The following GAA variants were observed in gnomAD, a reference collection of about 807,000 sequenced individuals.
GAA encodes alpha glucosidase.
GAA carries 88 observed loss-of-function variants against 103.9 expected under a neutral mutation model. The observed-to-expected ratio is 0.85, with a 90% CI of 0.71 to 1.01. The LOEUF (loss-of-function observed/expected upper bound fraction) is 1.01, where lower values mean the gene tolerates loss of function less well. Ranked by LOEUF, GAA falls within the 50% of genes least tolerant of loss-of-function variation. The pLI is 0.00. For synonymous variants in GAA, 572 were observed against 563.1 expected (o/e 1.02, Z -0.22); for missense variants, 1,350 against 1,305.3 (o/e 1.03, Z -0.53).
In GAA at chr17:80,109,941, C is replaced by T. The variant is rs1344983432; in HGVS notation, c.1327-4C>T. ...CTCACCTTGACAGGTTTCCCTCTTC[C>T]CAGGATCCTGCCATCAGCAGCTCGG... On this transcript the variant is annotated splice_polypyrimidine_tract_variant and splice_region_variant and intron_variant, in intron 8 of 19. Transcript: ENST00000302262. 3 of 1,612,418 alleles carry T rather than the reference C, an allele frequency of 1.9e-6. No individual in the cohort carries two copies. Among genetic ancestry groups the T allele is most frequent in the Non-Finnish European group, 2.5e-6 (3 of 1,179,104 alleles).
chr17:80,105,603 C>A (rs552404004), intron 2 of GAA, 146 bp from the exon 3 acceptor site: 4 of 955,490 alleles, frequency 4.2e-6, no homozygotes, highest in Non-Finnish European at 6.5e-6. Flanking sequence ...ATGAGGGAGC[C>A]GAGGCTCAGA....
At chr17:80,116,711 C>T in intron 15 of GAA, 1 of 546,216 alleles carries the variant, frequency 1.8e-6, no homozygotes, top group South Asian at 2.0e-5. Context: ...CATCCTGGTG[C>T]CTCAAGCACA....
chr17:80,103,374 C>T (rs1026925252), intron 1 of GAA, among the ~76,000 whole-genome samples: 2 of 152,162 alleles, frequency 1.3e-5, no homozygotes, highest in African/African-American at 2.4e-5. Flanking sequence ...ACACCTTCTT[C>T]CTCCTTTCCC....
At chr17:80,114,630 AT>A (rs1440928110) in intron 15 of GAA, among the ~76,000 whole-genome samples, 1 of 150,496 alleles carries the variant, frequency 6.6e-6, no homozygotes, top group African/African-American at 2.5e-5. Context: ...GCCTTATTCA[AT>A]TATCTTTTAA....
intron 18 of GAA, 110 bp downstream of exon 18, chr17:80,118,467 C>T (rs1225607953): frequency 2.1e-6 from 3 of 1,463,078 alleles, no homozygotes; most frequent in East Asian, 2.3e-5. Context: ...CACTAGGACA[C>T]TCTAGCAGGT....
rs765362308 is a variant in GAA, at chr17:80,112,056, C to T, written c.1710C>T (p.Asn570=). Residue 570 remains asparagine, a synonymous_variant, in exon 12 of 20, where the codon AAC becomes AAT. Coordinates refer to ENST00000302262, the MANE Select transcript of GAA (RefSeq NM_000152.5). ...SSHQFLSTHY[N]LHNLYGLTEA... ...ACCAGTTTCTCTCCACACACTACAA[C>T]CTGCACAACCTCTACGGCCTGACCG... 27 of 1,614,114 alleles carry T rather than the reference C, an allele frequency of 1.7e-5. No homozygotes were observed. The South Asian group carries it at 3.0e-4, about 18-fold the overall frequency.
In GAA at chr17:80,119,130, C is replaced by A. The variant is rs1363319854; in HGVS notation, c.2800-142C>A. On this transcript the variant is annotated intron_variant, in intron 19 of 19. Coordinates refer to ENST00000302262, the MANE Select transcript of GAA (RefSeq NM_000152.5). ...GGGAGGAACCGGGTGCGAAGCATCC[C>A]AGGGCCAGACGGAGCTGCCCCCTGA... is the stretch of plus-strand genomic sequence containing the variant. 7.6e-6 allele frequency: 7 copies of A among 926,120 alleles called. No homozygotes were observed. The African/African-American group carries it at 9.7e-5, about 13-fold the overall frequency. 57.4% of individuals were successfully genotyped at this position (926,120 alleles called of 1,614,324 possible).
chr17:80,112,300 C>T, intron 12 of GAA, 200 bp downstream of exon 12: 4 of 657,950 alleles, frequency 6.1e-6, no homozygotes, highest in Non-Finnish European at 1.1e-5. Context: ...ATGCCTGGGG[C>T]TTGGAGAGGA....
At position 80,108,771 on chromosome 17, in the gene GAA, CT is replaced by C; in HGVS notation, c.1271del (p.Phe424SerfsTer16). ...FTFNKDGFRD[F>X]PAMVQELHQG... Reference sequence around the variant, plus strand: ...CGTTCAACAAGGATGGCTTCCGGGACTTCCCGGCCATGGTGCAGGAGCTGCA... The same window carrying C: ...CGTTCAACAAGGATGGCTTCCGGGACTCCCGGCCATGGTGCAGGAGCTGCA... On this transcript the variant is annotated frameshift_variant, in exon 8 of 20. Transcript: ENST00000302262. LOFTEE classifies it high-confidence loss of function. 6.2e-7 allele frequency: 1 copy of C among 1,610,118 alleles called. No homozygotes were observed. The highest frequency in any genetic ancestry group is 2.2e-5 in the East Asian group (1 of 44,724).
rs781650771 is a variant in GAA at position 80,104,752 on chromosome 17, C to T, written c.166C>T (p.His56Tyr). The T allele has an allele frequency of 6.2e-7, 1 of 1,611,148 alleles. No homozygotes were observed. Among genetic ancestry groups the T allele is most frequent in the Non-Finnish European group, 8.5e-7 (1 of 1,179,276 alleles). The stretch of plus-strand genomic sequence containing the variant: ...AGTCCTGGAGGAGACTCACCCAGCT[C>T]ACCAGCAGGGAGCCAGCAGACCAGG... ...SPVLEETHPAHQQGASRPGPR... is the reference protein window; with the variant it reads ...SPVLEETHPAYQQGASRPGPR... The change falls in exon 2 of 20, where the codon CAC (histidine) becomes TAC (tyrosine). Residue 56 changes from histidine (H) to tyrosine (Y), a missense_variant. Coordinates refer to ENST00000302262, the MANE Select transcript of GAA (RefSeq NM_000152.5). This position sits in a 1 kb window ranked among gnomAD's most constrained non-coding sequence, Gnocchi z 4.0.
Position 80,119,345 on chromosome 17 carries a change from G to A in GAA, c.*14G>A. The A allele has an allele frequency of 6.2e-7, 1 of 1,611,662 alleles. No individual in the cohort carries two copies. Among genetic ancestry groups the A allele is most frequent in the South Asian group, 1.1e-5 (1 of 91,032 alleles). ...AGCTGGTGTTAGCCGGGCGGAGTGT[G>A]TTAGTCTCTCCAGAGGGAGGCTGGT... On this transcript the variant is annotated 3_prime_UTR_variant, in exon 20 of 20. Transcript: ENST00000302262.
At position 80,105,726 on chromosome 17, in the gene GAA, C is replaced by G. The variant is rs750078560; in HGVS notation, c.547-23C>G. ...AGAGTAAGGTGGCTGTGGGGAACAT[C>G]AATAAACCCCCATCTCTTCTAGATC... is the stretch of plus-strand genomic sequence containing the variant. On this transcript the variant is annotated intron_variant, in intron 2 of 19. Transcript: ENST00000302262. 2.5e-6 allele frequency: 4 copies of G among 1,611,046 alleles called. No homozygotes were observed. In the African/African-American group the frequency reaches 4.0e-5, roughly 16 times the overall value.
At chr17:80,113,817 G>A (rs749499625) in intron 15 of GAA, among the ~76,000 whole-genome samples, 3 of 152,000 alleles carry the variant, frequency 2.0e-5, no homozygotes, top group African/African-American at 4.8e-5. Flanking sequence ...TCAAGAGTTC[G>A]AGGCCAGCCT....
intron 11 of GAA, 97 bp downstream of exon 11, chr17:80,111,122 T>A: frequency 9.3e-7 from 1 of 1,071,398 alleles, no homozygotes; most frequent in Non-Finnish European, 1.3e-6. Context: ...GAGAAGCAGA[T>A]GGGCCAGCGG....
rs771171066 is a variant in GAA at position 80,107,875 on chromosome 17, C to A, written c.934C>A (p.Leu312Met). Residue 312 changes from leucine (L) to methionine (M), a missense_variant, in exon 5 of 20, where the codon CTG becomes ATG. By Grantham distance (15) the Leu-to-Met change is conservative (BLOSUM62 2). Coordinates refer to ENST00000302262, the MANE Select transcript of GAA (RefSeq NM_000152.5). ...EDGGSAHGVF[L>M]LNSNAMDVVL... is the part of the protein sequence containing the mutation. ...CGGCGGGTCGGCACACGGGGTGTTC[C>A]TGCTAAACAGCAATGCCATGGGTAA... 1 of 1,611,178 alleles carries A rather than the reference C, an allele frequency of 6.2e-7. No individual in the cohort carries two copies. The highest frequency in any genetic ancestry group is 8.5e-7 in the Non-Finnish European group (1 of 1,179,560).
chr17:80,106,147 T>C lies in GAA; in HGVS notation c.692+253T>C, dbSNP rs535786432. ...TGCTTGTCATTTAACTCAGGAAAAC[T>C]CTCAGGAACGACAGCACTTGGATTT... On this transcript the variant is annotated intron_variant, in intron 3 of 19. Transcript: ENST00000302262. Among the ~76,000 whole-genome samples, 398 of 152,300 alleles carry C rather than the reference T, an allele frequency of 2.6e-3. 3 individuals are homozygous for C. Among genetic ancestry groups the C allele is most frequent in the Middle Eastern group, 0.02 (6 of 294 alleles).
intron 15 of GAA, among the ~76,000 whole-genome samples, chr17:80,116,375 C>T (rs1030946871): frequency 6.6e-6 from 1 of 152,242 alleles, no homozygotes; most frequent in African/African-American, 2.4e-5. Flanking sequence ...AAGGCATGAA[C>T]GCTCCATGAA....
rs1438853671 is a variant in GAA at position 80,108,618 on chromosome 17, G to T, written c.1194+11G>T. 1 of 1,612,776 alleles carries T rather than the reference G, an allele frequency of 6.2e-7. No homozygotes were observed. Among genetic ancestry groups the T allele is most frequent in the Non-Finnish European group, 8.5e-7 (1 of 1,179,918 alleles). On this transcript the variant is annotated intron_variant, in intron 7 of 19. Coordinates refer to ENST00000302262, the MANE Select transcript of GAA (RefSeq NM_000152.5). ...GCCCACTTCCCCCTGGTGAGTTGGG[G>T]TGGTGGCAGGGGAGGCAAGGGGCTG...
Position 80,108,415 on chromosome 17 carries a change from G to A in GAA, c.1075+6G>A. 6.2e-7 allele frequency: 1 copy of A among 1,613,272 alleles called. No homozygotes were observed. Among genetic ancestry groups the A allele is most frequent in the South Asian group, 1.1e-5 (1 of 91,084 alleles). On this transcript the variant is annotated splice_donor_region_variant and intron_variant, in intron 6 of 19. Transcript: ENST00000302262. ...GCAGTACCTGGACGTTGTGGGTAGG[G>A]CCTGCTCCCTGGCCGCGGCCCCCGC...
Sources: allele counts gnomAD v4.1 joint callset (sites outside exome capture counted in the v4.1 genomes callset), GRCh38; gene constraint gnomAD v4.1.1; non-coding constraint Gnocchi (gnomAD v3.1); transcripts MANE v1.5; gene names NCBI Gene and HGNC (gene_info 2026-07-23, HGNC 2026-07-21).